The following ZNF266 variants were observed in gnomAD, a reference collection of about 807,000 sequenced individuals.
ZNF266 encodes the protein zinc finger protein 1.
A neutral mutation model predicts 16.4 loss-of-function variants in ZNF266; 16 were observed. The observed-to-expected ratio is 0.98, with a 90% confidence interval of 0.66 to 1.48. The LOEUF is 1.48. Among genes scored for constraint, ZNF266 ranks in the 40% most tolerant of loss-of-function variants. The pLI is 0.00. For missense variants in ZNF266, 738 were observed against 689.1 expected (o/e 1.07, Z -0.79); for synonymous variants, 262 against 237.9 (o/e 1.10, Z -0.93).
intron 8 of ZNF266, 68 bp downstream of exon 8, chr19:9,418,437 G>A (rs1368440680): frequency 3.3e-6 from 5 of 1,524,650 alleles, no homozygotes; most frequent in East Asian, 4.5e-5. Flanking sequence ...TATCTCTGAT[G>A]TGCAATACAG....
At chr19:9,416,775 G>A (rs1398575167) in intron 9 of ZNF266, among the ~76,000 whole-genome samples, 8 of 142,900 alleles carry the variant, frequency 5.6e-5, no homozygotes, top group African/African-American at 1.6e-4. Flanking sequence ...GGGTTCAAGC[G>A]ATTCTCCTGC....
intron 10 of ZNF266, 42 bp downstream of exon 10, chr19:9,415,612 T>C (rs377412574): frequency 1.8e-5 from 26 of 1,484,786 alleles, no homozygotes; most frequent in Non-Finnish European, 2.4e-5. Flanking sequence ...TCCCCAATCA[T>C]CTCTAAATGT....
chr19:9,424,630 T>C (rs976223156), intron 5 of ZNF266, among the ~76,000 whole-genome samples: 1 of 152,244 alleles, frequency 6.6e-6, no homozygotes, highest in Non-Finnish European at 1.5e-5. Context: ...CGTATGTGTG[T>C]TTATATCCAT....
chr19:9,416,210 A>AAGG (rs2068951787), intron 9 of ZNF266, among the ~76,000 whole-genome samples: 1 of 152,158 alleles, frequency 6.6e-6, no homozygotes, highest in African/African-American at 2.4e-5. Context: ...TGGCAATAAT[A>AAGG]AGGATATAGC....
chr19:9,430,649 C>G (rs1331008974), intron 5 of ZNF266, among the ~76,000 whole-genome samples: 1 of 152,186 alleles, frequency 6.6e-6, no homozygotes, highest in Non-Finnish European at 1.5e-5. Context: ...AAACTTTCCC[C>G]TCCCTGTGTG....
chr19:9,425,606 C>A (rs762035820), intron 5 of ZNF266, among the ~76,000 whole-genome samples: 1 of 152,230 alleles, frequency 6.6e-6, no homozygotes, highest in Non-Finnish European at 1.5e-5. Context: ...GGCCCACTCA[C>A]ATGGCTGATG....
chr19:9,413,140 C>A lies in ZNF266; in HGVS notation c.*135G>T. ...ATTCCCTGATGCAGGGTCTTCTCCA[C>A]TGTGAATTCATATGTGTTCATTAAG... is the stretch of plus-strand genomic sequence containing the variant. On this transcript the variant is annotated 3_prime_UTR_variant, in exon 11 of 11. Transcript: ENST00000592904. 8.9e-7 allele frequency: 1 copy of A among 1,118,874 alleles called. No homozygotes were observed. The highest frequency in any genetic ancestry group is 1.7e-5 in the South Asian group (1 of 58,486). 69.3% of individuals were successfully genotyped at this position (1,118,874 alleles called of 1,614,324 possible). A position where few individuals can be genotyped will look rare whatever the true frequency, so the allele number is the denominator to read the frequency against.
At position 9,414,156 on chromosome 19, in the gene ZNF266, G is replaced by A. The variant is rs770643070; in HGVS notation, c.970C>T (p.Gln324Ter). 2.5e-6 allele frequency: 4 copies of A among 1,613,284 alleles called. No individual in the cohort carries two copies. Among genetic ancestry groups the A allele is most frequent in the South Asian group, 1.1e-5 (1 of 91,068 alleles). ...KAFTRSCQLT[Q>*]HRKTHTGEKP... is the part of the protein sequence containing the mutation. ...TCTCCAGTGTGAGTTTTTCTGTGCTGAGTAAGTTGACAAGACCTGGTGAAG... is the reference window on the plus strand; with the variant it reads ...TCTCCAGTGTGAGTTTTTCTGTGCTAAGTAAGTTGACAAGACCTGGTGAAG... Residue 324 changes from glutamine (Q) to a stop codon, truncating the protein, a stop_gained, in exon 11 of 11, where the codon CAG becomes TAG. Transcript: ENST00000592904. LOFTEE classifies it low-confidence loss of function (END_TRUNC).
Position 9,412,908 on chromosome 19 carries a change from T to C in ZNF266, c.*367A>G. On this transcript the variant is annotated 3_prime_UTR_variant, in exon 11 of 11. Transcript: ENST00000592904. Reference sequence around the variant, plus strand: ...AGTTATAGTGTAAGGAACTAGGACTTAGGGCTTACAAATATGGAGTGGGGC... The same window carrying C: ...AGTTATAGTGTAAGGAACTAGGACTCAGGGCTTACAAATATGGAGTGGGGC... The C allele has an allele frequency of 4.5e-6, 1 of 223,160 alleles. No individual in the cohort carries two copies. Among genetic ancestry groups the C allele is most frequent in the Non-Finnish European group, 8.8e-6 (1 of 113,306 alleles). 13.8% of individuals were successfully genotyped at this position (223,160 alleles called of 1,614,324 possible). A position where few individuals can be genotyped will look rare whatever the true frequency, so the allele number is the denominator to read the frequency against.
Position 9,413,464 on chromosome 19 carries a change from A to T in ZNF266, c.1662T>A (p.Thr554=). 3 of 1,614,120 alleles carry T rather than the reference A, an allele frequency of 1.9e-6. No individual in the cohort carries two copies. Among genetic ancestry groups the T allele is most frequent in the Non-Finnish European group, 2.5e-6 (3 of 1,180,014 alleles). The part of the protein sequence containing the change: ...TCVNLHMRIH[T]GEKPYKCKQC... ...GTTTACATTTGTAGGGTTTTTCTCC[A>T]GTGTGGATCCGCATGTGAAGGTTAA... is the stretch of plus-strand genomic sequence containing the variant. Residue 554 remains threonine (T), a synonymous_variant, in exon 11 of 11, where the codon ACT becomes ACA. Coordinates refer to ENST00000592904, the MANE Select transcript of ZNF266 (RefSeq NM_001370374.1).
chr19:9,413,071 G>C lies in ZNF266; in HGVS notation c.*204C>G. 2 of 559,628 alleles carry C rather than the reference G, an allele frequency of 3.6e-6. No homozygotes were observed. The highest frequency in any genetic ancestry group is 6.0e-6 in the Non-Finnish European group (2 of 332,692). 34.7% of individuals were successfully genotyped at this position (559,628 alleles called of 1,614,324 possible). ...ACAGTTTCTCTCCAGTGAGATTTCT[G>C]ATGTGTTTGGTAAGGCTTGAGAATT... On this transcript the variant is annotated 3_prime_UTR_variant, in exon 11 of 11. Transcript: ENST00000592904.
chr19:9,427,602 C>A (rs2070947859), intron 5 of ZNF266, among the ~76,000 whole-genome samples: 1 of 152,172 alleles, frequency 6.6e-6, no homozygotes, highest in African/African-American at 2.4e-5. Flanking sequence ...GCTGGGATTA[C>A]AGGTGTGAGC....
intron 5 of ZNF266, among the ~76,000 whole-genome samples, chr19:9,432,150 G>T (rs1290065279): frequency 1.3e-5 from 2 of 152,004 alleles, no homozygotes; most frequent in African/African-American, 4.8e-5. Context: ...ATAGAGTCAG[G>T]GTTTCACCAT....
chr19:9,433,281 C>G (rs1195161416), intron 5 of ZNF266, among the ~76,000 whole-genome samples: 1 of 152,140 alleles, frequency 6.6e-6, no homozygotes, highest in Non-Finnish European at 1.5e-5. Context: ...TTTTTGGCAG[C>G]CCACATTGGC....
chr19:9,427,501 A>T (rs7245932), intron 5 of ZNF266, among the ~76,000 whole-genome samples: 89,415 of 151,342 alleles, frequency 0.59, 26,761 homozygotes, highest in African/African-American at 0.67. Flanking sequence ...ATATATATAT[A>T]TTTTAAGTAG....
rs1408388594 is a variant in ZNF266 at position 9,435,528 on chromosome 19, A to C, written c.-802T>G. 2.0e-5 allele frequency: 3 copies of C among 152,234 alleles called. No homozygotes were observed. The highest frequency in any genetic ancestry group is 4.4e-5 in the Non-Finnish European group (3 of 68,054). The allele number at this position is 152,234 out of a possible 1,614,324, so 9.4% of individuals were successfully genotyped here. On this transcript the variant is annotated 5_prime_UTR_variant, in exon 1 of 11. Transcript: ENST00000592904. ...TGTATTAAGCCCAAACGCCACCAGG[A>C]AGAAAACGGGTTTGGCGGCGCGGAG...
At chr19:9,418,388 G>T in intron 8 of ZNF266, 117 bp downstream of exon 8, 1 of 1,139,692 alleles carries the variant, frequency 8.8e-7, no homozygotes, top group Non-Finnish European at 1.3e-6. Flanking sequence ...TATTAGGGCA[G>T]GGACTATGTC....
At chr19:9,433,568 T>C (rs1385916238) in intron 5 of ZNF266, 100 bp downstream of exon 5, 1 of 152,254 alleles carries the variant, frequency 6.6e-6, no homozygotes, top group Non-Finnish European at 1.5e-5. Context: ...GCACTGATTC[T>C]CATTAATCCC....
At chr19:9,418,799 C>A in intron 7 of ZNF266, 168 bp from the exon 8 acceptor site, 1 of 518,948 alleles carries the variant, frequency 1.9e-6, no homozygotes, top group South Asian at 2.2e-5. Context: ...GCTTGAATGG[C>A]ACTTCTTACA....
Sources: allele counts gnomAD v4.1 joint callset (sites outside exome capture counted in the v4.1 genomes callset), GRCh38; gene constraint gnomAD v4.1.1; transcripts MANE v1.5; gene names NCBI Gene and HGNC (gene_info 2026-07-23, HGNC 2026-07-21).